Variants in GPRC5B observed in about 807,000 individuals in gnomAD.
GPRC5B encodes G protein-coupled receptor class C group 5 member B.
In GPRC5B, 16 loss-of-function variants were observed where a neutral mutation model predicts 30.1. The ratio of observed to expected loss-of-function variants is 0.53; its 90% CI spans 0.36 to 0.81. GPRC5B has a LOEUF of 0.81. GPRC5B is among the 30% of genes least tolerant of loss of function. GPRC5B has a pLI of 0.01. For synonymous variants in GPRC5B, 241 were observed against 239.5 expected (o/e 1.01, Z -0.06); for missense variants, 428 against 544.7 (o/e 0.79, Z 2.13).
chr16:19,860,581 T>G (rs1429961762), intron 3 of GPRC5B, 37 bp from the exon 4 acceptor site: 1 of 1,448,554 alleles, frequency 6.9e-7, no homozygotes, highest in Non-Finnish European at 9.7e-7. Flanking sequence ...CTGAGAACTC[T>G]GTGCTTTGCA....
upstream of GPRC5B, chr16:19,885,544 C>T (rs988265030): frequency 3.2e-5 from 35 of 1,103,556 alleles, no homozygotes; most frequent in Non-Finnish European, 3.8e-5. This position sits in a 1 kb window ranked among gnomAD's most constrained non-coding sequence, Gnocchi z 5.3. Flanking sequence ...AGTCGGTGCA[C>T]CCCTCACGTG....
chr16:19,877,012 G>A (rs2056764300), intron 1 of GPRC5B, among the ~76,000 whole-genome samples: 2 of 152,218 alleles, frequency 1.3e-5, no homozygotes, highest in South Asian at 4.1e-4. Flanking sequence ...TCCGCTCTAG[G>A]ATTGTTCTAG....
intron 1 of GPRC5B, among the ~76,000 whole-genome samples, chr16:19,873,744 G>T (rs1567210617): frequency 6.6e-6 from 1 of 152,052 alleles, no homozygotes; most frequent in Non-Finnish European, 1.5e-5. Flanking sequence ...CAACTCCTGG[G>T]TGCGACCTCA....
rs1445491796 is a variant in GPRC5B at position 19,884,811 on chromosome 16, C to CCACG, written c.-90_-87dup. ...CTGCGGCGCGGCCGCGGCCCCCGCTCCACGCACGCCCGCCTGCGGGTCCAG... is the reference window on the plus strand; with the variant it reads ...CTGCGGCGCGGCCGCGGCCCCCGCTCCACGCACGCACGCCCGCCTGCGGGTCCAG... On this transcript the variant is annotated 5_prime_UTR_variant, in exon 1 of 4. Transcript: ENST00000300571. 8.1e-6 allele frequency: 8 copies of CCACG among 984,218 alleles called. No individual in the cohort carries two copies. Among genetic ancestry groups the CCACG allele is most frequent in the Non-Finnish European group, 9.6e-6 (8 of 829,524 alleles). 61.0% of individuals were successfully genotyped at this position (984,218 alleles called of 1,614,324 possible).
chr16:19,858,532 T>C lies in GPRC5B; in HGVS notation c.*1968A>G. On this transcript the variant is annotated 3_prime_UTR_variant, in exon 4 of 4. Coordinates refer to ENST00000300571, the MANE Select transcript of GPRC5B (RefSeq NM_016235.3). ...TCCAAAGGACTCCAGAGAGCGGGGG[T>C]GAGTAACCATTTCCTGGCACGAGAA... 2.9e-6 allele frequency: 2 copies of C among 691,082 alleles called. No homozygotes were observed. The highest frequency in any genetic ancestry group is 1.5e-5 in the South Asian group (1 of 65,528). The allele number at this position is 691,082 out of a possible 1,614,324, so 42.8% of individuals were successfully genotyped here.
chr16:19,868,306 G>A (rs1370829387), intron 2 of GPRC5B, among the ~76,000 whole-genome samples: 1 of 152,112 alleles, frequency 6.6e-6, no homozygotes, highest in East Asian at 1.9e-4. Context: ...CCTGGAGGCG[G>A]AGGTTGTGGT....
chr16:19,875,074 A>G (rs2056750862), intron 1 of GPRC5B, among the ~76,000 whole-genome samples: 1 of 152,094 alleles, frequency 6.6e-6, no homozygotes, highest in Admixed American at 6.6e-5. Flanking sequence ...GGTATCGACC[A>G]CCTCACTGTT....
intron 1 of GPRC5B, among the ~76,000 whole-genome samples, chr16:19,881,248 C>T (rs960795194): frequency 4.6e-5 from 7 of 152,158 alleles, no homozygotes; most frequent in Non-Finnish European, 8.8e-5. Context: ...AATGATAGCG[C>T]TGCCTTACAA....
intron 2 of GPRC5B, 79 bp from the exon 3 acceptor site, chr16:19,862,052 G>T: frequency 7.3e-7 from 1 of 1,363,660 alleles, no homozygotes; most frequent in South Asian, 1.3e-5. Context: ...CAACAACAGC[G>T]CGCTCCGGGC....
chr16:19,878,317 C>T (rs12918900), intron 1 of GPRC5B, among the ~76,000 whole-genome samples: 106,596 of 151,716 alleles, frequency 0.7, 37,854 homozygotes, highest in East Asian at 0.81. Flanking sequence ...TTTGATTTTA[C>T]TTTTTTGAGA....
chr16:19,860,522 T>A lies in GPRC5B; in HGVS notation c.1190A>T (p.His397Leu), dbSNP rs2141136746. 6.2e-7 allele frequency: 1 copy of A among 1,602,280 alleles called. No homozygotes were observed. Among genetic ancestry groups the A allele is most frequent in the African/African-American group, 1.3e-5 (1 of 74,816 alleles). ...GGTIPTAPPS[H>L]TGRHLW ...CTTTCACCAAAGGTGTCTTCCTGTG[T>A]GACTTGGCGGAGCAGTTGGGATCTG... is the stretch of plus-strand genomic sequence containing the variant. The change falls in exon 4 of 4, where the codon CAC (histidine) becomes CTC (leucine). Residue 397 changes from histidine (H) to leucine (L), a missense_variant. This residue lies in a region of GPRC5B where 19 missense variants were observed against 43.1 expected (regional missense o/e 0.44). Coordinates refer to ENST00000300571, the MANE Select transcript of GPRC5B (RefSeq NM_016235.3).
At chr16:19,875,637 G>T (rs2056754575) in intron 1 of GPRC5B, among the ~76,000 whole-genome samples, 1 of 152,040 alleles carries the variant, frequency 6.6e-6, no homozygotes, top group Admixed American at 6.6e-5. Flanking sequence ...AAATTAGCTG[G>T]GCGTGGTGCC....
At chr16:19,866,747 C>T (rs1022290859) in intron 2 of GPRC5B, among the ~76,000 whole-genome samples, 1 of 152,070 alleles carries the variant, frequency 6.6e-6, no homozygotes, top group Admixed American at 6.6e-5. Flanking sequence ...GCTTATTTGC[C>T]ACCAAGAAGG....
rs1312392345 is a variant in GPRC5B, at chr16:19,859,914, T to A, written c.*586A>T. On this transcript the variant is annotated 3_prime_UTR_variant, in exon 4 of 4. Transcript: ENST00000300571. ...AGGGTCCCTCCACCTCTACTGGCTA[T>A]AAAGCTCACCCCACGATTCAGTTGG... is the stretch of plus-strand genomic sequence containing the variant. 1 of 153,200 alleles carries A rather than the reference T, an allele frequency of 6.5e-6. No homozygotes were observed. The highest frequency in any genetic ancestry group is 1.9e-4 in the East Asian group (1 of 5,196). 9.5% of individuals were successfully genotyped at this position (153,200 alleles called of 1,614,324 possible). A position where few individuals can be genotyped will look rare whatever the true frequency, so the allele number is the denominator to read the frequency against.
intron 1 of GPRC5B, among the ~76,000 whole-genome samples, chr16:19,877,483 T>C (rs1260795832): frequency 6.6e-6 from 1 of 152,020 alleles, no homozygotes; most frequent in Non-Finnish European, 1.5e-5. Flanking sequence ...ATGTCCAGGA[T>C]GTTTGGGGGA....
chr16:19,875,148 A>T (rs2056751295), intron 1 of GPRC5B, among the ~76,000 whole-genome samples: 1 of 152,154 alleles, frequency 6.6e-6, no homozygotes, highest in African/African-American at 2.4e-5. Context: ...GGCATAAATT[A>T]TTGATGTTAC....
intron 2 of GPRC5B, among the ~76,000 whole-genome samples, chr16:19,868,201 C>A (rs964587108): frequency 1.3e-5 from 2 of 151,912 alleles, no homozygotes; most frequent in African/African-American, 4.8e-5. Context: ...ATGGAGAAAC[C>A]CCATCTCTAC....
At chr16:19,885,449 A>G, upstream of GPRC5B, 1 of 1,130,966 alleles carries the variant, frequency 8.8e-7, no homozygotes, top group South Asian at 1.7e-5. The surrounding 1 kb of genome is among the most constrained non-coding windows in gnomAD (Gnocchi z 5.3). Flanking sequence ...CTCTCTCCTC[A>G]CTGCCCAACT....
intron 2 of GPRC5B, 35 bp downstream of exon 2, chr16:19,871,781 C>T: frequency 1.9e-6 from 3 of 1,587,558 alleles, no homozygotes; most frequent in Non-Finnish European, 2.6e-6. Flanking sequence ...TGAATGGTCC[C>T]CCGGCCTGAC....
Sources: allele counts gnomAD v4.1 joint callset (sites outside exome capture counted in the v4.1 genomes callset), GRCh38; gene constraint gnomAD v4.1.1; regional missense constraint gnomAD v4.1.1; non-coding constraint Gnocchi (gnomAD v3.1); transcripts MANE v1.5; gene names NCBI Gene and HGNC (gene_info 2026-07-23, HGNC 2026-07-21).